SIDT1: variants seen among roughly 807,000 people sequenced by gnomAD.
SIDT1 encodes the protein SID1 transmembrane family, member 1.
SIDT1 carries 101 observed loss-of-function variants against 107.5 expected under a neutral mutation model. The ratio of observed to expected loss-of-function variants is 0.94; its 90% confidence interval spans 0.80 to 1.11. The LOEUF is 1.11. SIDT1 is among the 50% of genes least tolerant of loss of function. SIDT1 has a pLI of 0.00. For missense variants in SIDT1, 1,076 were observed against 1,058.2 expected (o/e 1.02, Z -0.23); for synonymous variants, 395 against 398.2 (o/e 0.99, Z 0.10).
intron 1 of SIDT1, among the ~76,000 whole-genome samples, chr3:113,563,947 T>G (rs1941675286): frequency 1.3e-5 from 2 of 152,110 alleles, no homozygotes; most frequent in Non-Finnish European, 2.9e-5. Flanking sequence ...TTTTCTTTTT[T>G]TTTTGTTTTG....
At chr3:113,584,608 A>G (rs1943599812) in intron 7 of SIDT1, 90 bp from the exon 8 acceptor site, 1 of 835,490 alleles carries the variant, frequency 1.2e-6, no homozygotes, top group Admixed American at 2.4e-5. Context: ...AATTCTGGAC[A>G]TTTTTTGAAC....
At chr3:113,552,414 T>C (rs1940362938) in intron 1 of SIDT1, among the ~76,000 whole-genome samples, 1 of 152,024 alleles carries the variant, frequency 6.6e-6, no homozygotes, top group Admixed American at 6.6e-5. Context: ...GTGAGTGACA[T>C]GGACAGAAAA....
At chr3:113,584,193 A>G (rs1401114807) in intron 7 of SIDT1, among the ~76,000 whole-genome samples, 1 of 152,212 alleles carries the variant, frequency 6.6e-6, no homozygotes, top group Non-Finnish European at 1.5e-5. Flanking sequence ...GTTTAGGTGA[A>G]ATTTCTCCTA....
intron 23 of SIDT1, 196 bp from the exon 24 acceptor site, chr3:113,625,906 G>A (rs1447420160): frequency 3.7e-6 from 2 of 546,988 alleles, no homozygotes; most frequent in East Asian, 3.1e-5. Flanking sequence ...ATGTAATCTC[G>A]CTTCTCTATT....
rs777585315 is a variant in SIDT1, at chr3:113,567,560, A to T, written c.365A>T (p.Tyr122Phe). ...FQGLYQRSYN[Y>F]QEVSRTLCPS... ...TTCAGATACCAGAGGAGCTACAACT[A>T]TCAAGAAGTGAGCCGCACCTTATGT... The change falls in exon 3 of 25, where the codon TAT becomes TTT. Residue 122 changes from tyrosine to phenylalanine, a missense_variant. Tyr to Phe is a conservative substitution (Grantham distance 22, BLOSUM62 3). Transcript: ENST00000264852. 6 of 1,613,694 alleles carry T rather than the reference A, an allele frequency of 3.7e-6. No homozygotes were observed. Among genetic ancestry groups the T allele is most frequent in the Non-Finnish European group, 5.1e-6 (6 of 1,179,846 alleles).
Position 113,603,091 on chromosome 3 carries a change from G to A in SIDT1, c.1204G>A (p.Glu402Lys). ...GQSDTDSSVE[E>K]SDFDTMPDIE... Reference sequence around the variant, plus strand: ...GTCAGACACAGACAGCTCCGTGGAGGAGAGCGACTTCGACACCATGCCAGA... The same window carrying A: ...GTCAGACACAGACAGCTCCGTGGAGAAGAGCGACTTCGACACCATGCCAGA... Residue 402 changes from glutamate to lysine, a missense_variant, in exon 12 of 25, where the codon GAG becomes AAG. Physicochemically the swap from Glu to Lys is moderately conservative, Grantham distance 56. Transcript: ENST00000264852. The A allele has an allele frequency of 6.2e-7, 1 of 1,614,170 alleles. No individual in the cohort carries two copies. Among genetic ancestry groups the A allele is most frequent in the Non-Finnish European group, 8.5e-7 (1 of 1,180,004 alleles).
At chr3:113,540,762 T>C (rs1560005705) in intron 1 of SIDT1, among the ~76,000 whole-genome samples, 1 of 152,210 alleles carries the variant, frequency 6.6e-6, no homozygotes, top group Non-Finnish European at 1.5e-5. Flanking sequence ...ATAAAATAAA[T>C]TGTTTTTTTA....
At chr3:113,583,561 C>T in intron 7 of SIDT1, 65 bp downstream of exon 7, 1 of 1,215,634 alleles carries the variant, frequency 8.2e-7, no homozygotes, top group Non-Finnish European at 1.2e-6. Flanking sequence ...GAAAGGGAAG[C>T]TGAAACCTCC....
intron 1 of SIDT1, among the ~76,000 whole-genome samples, chr3:113,538,178 G>A (rs868589040): frequency 2.0e-5 from 3 of 152,096 alleles, no homozygotes; most frequent in Non-Finnish European, 1.5e-5. Flanking sequence ...ATCCTATTGG[G>A]GATTAAGTTT....
intron 19 of SIDT1, among the ~76,000 whole-genome samples, chr3:113,614,357 A>G (rs940009434): frequency 1.3e-5 from 2 of 152,230 alleles, no homozygotes; most frequent in African/African-American, 4.8e-5. Context: ...AAGTGGGCCT[A>G]GTAGGGCAAA....
In SIDT1 at chr3:113,601,550, T is replaced by C. The variant is rs747761243; in HGVS notation, c.1046-38T>C. Reference sequence around the variant, plus strand: ...AATAGTGTTGTTTTGTTTTAGCAACTGGACATAAAGTGTTTGCCTCTTCAC... The same window carrying C: ...AATAGTGTTGTTTTGTTTTAGCAACCGGACATAAAGTGTTTGCCTCTTCAC... On this transcript the variant is annotated intron_variant, in intron 10 of 24. Coordinates refer to ENST00000264852, the MANE Select transcript of SIDT1 (RefSeq NM_017699.3). 53 of 1,407,866 alleles carry C rather than the reference T, an allele frequency of 3.8e-5. No homozygotes were observed. In the Admixed American group the frequency reaches 4.9e-4, roughly 13 times the overall value. The allele number at this position is 1,407,866 out of a possible 1,614,324, so 87.2% of individuals were successfully genotyped here. A position where few individuals can be genotyped will look rare whatever the true frequency, so the allele number is the denominator to read the frequency against.
chr3:113,621,883 C>G (rs1012900741), intron 21 of SIDT1, among the ~76,000 whole-genome samples: 23 of 152,166 alleles, frequency 1.5e-4, no homozygotes, highest in African/African-American at 5.6e-4. Context: ...AATACAGTAA[C>G]TATTAGCACA....
chr3:113,542,936 G>GTT (rs1458573441), intron 1 of SIDT1, among the ~76,000 whole-genome samples: 4,325 of 118,278 alleles, frequency 0.037, 98 homozygotes, highest in African/African-American at 0.085. Context: ...GTGTGTGTGT[G>GTT]TGTTTGTTTG....
chr3:113,599,204 G>A lies in SIDT1; in HGVS notation c.1046-2384G>A, dbSNP rs531597505. 5.3e-5 allele frequency among the ~76,000 whole-genome samples: 8 copies of A among 152,314 alleles called. No individual in the cohort carries two copies. The South Asian group carries it at 1.7e-3, about 32-fold the overall frequency. On this transcript the variant is annotated intron_variant, in intron 10 of 24. Transcript: ENST00000264852. Reference sequence around the variant, plus strand: ...GAAAGATACTGAGGGGAATGTAAAAGACCTACAACATCATCTAGGAATAAG... The same window carrying A: ...GAAAGATACTGAGGGGAATGTAAAAAACCTACAACATCATCTAGGAATAAG...
At chr3:113,619,884 C>T in intron 21 of SIDT1, 158 bp downstream of exon 21, 3 of 657,746 alleles carry the variant, frequency 4.6e-6, no homozygotes, top group South Asian at 1.8e-5. Flanking sequence ...AGGACATTCT[C>T]GTGTAGCAAT....
chr3:113,572,996 C>CCTTT (rs779118899), intron 3 of SIDT1, among the ~76,000 whole-genome samples: 1 of 145,576 alleles, frequency 6.9e-6, no homozygotes. Context: ...ATTTACATTC[C>CCTTT]TTTTTTTTTT....
intron 17 of SIDT1, 25 bp downstream of exon 17, chr3:113,608,561 A>G: frequency 6.7e-7 from 1 of 1,484,984 alleles, no homozygotes; most frequent in Non-Finnish European, 9.4e-7. Context: ...TATCTACTAT[A>G]CAGATTTGAA....
intron 6 of SIDT1, 152 bp from the exon 7 acceptor site, chr3:113,583,256 TG>T: frequency 2.1e-6 from 1 of 485,376 alleles, no homozygotes; most frequent in Non-Finnish European, 3.7e-6. Context: ...GAGTAAATCA[TG>T]GGTATGTGAA....
chr3:113,597,815 T>C (rs114373509), intron 10 of SIDT1, among the ~76,000 whole-genome samples: 1 of 152,338 alleles, frequency 6.6e-6, no homozygotes, highest in African/African-American at 2.4e-5. Flanking sequence ...CAATCGTAAG[T>C]GTCTGCTATT....
Sources: allele counts gnomAD v4.1 joint callset (sites outside exome capture counted in the v4.1 genomes callset), GRCh38; gene constraint gnomAD v4.1.1; transcripts MANE v1.5; gene names NCBI Gene and HGNC (gene_info 2026-07-23, HGNC 2026-07-21).